The following LAMA1 variants were observed in gnomAD, a reference collection of about 807,000 sequenced individuals.
The protein encoded by LAMA1 is laminin subunit alpha 1.
Under a neutral mutation model 348.7 loss-of-function variants are expected in LAMA1, and 219 were observed. The ratio of observed to expected loss-of-function variants is 0.63; its 90% CI spans 0.56 to 0.70. The LOEUF is 0.70. Among genes scored for constraint, LAMA1 ranks in the 30% least tolerant of loss-of-function variants. LAMA1 has a pLI of 0.00. For missense variants in LAMA1, 3,744 were observed against 3,888.0 expected (o/e 0.96, Z 0.99); for synonymous variants, 1,487 against 1,491.0 (o/e 1.00, Z 0.06).
In LAMA1 at chr18:6,947,226, G is replaced by A. The variant is rs1308653366; in HGVS notation, c.8781C>T (p.Gly2927=). 10 of 1,614,028 alleles carry A rather than the reference G, an allele frequency of 6.2e-6. No homozygotes were observed. Among genetic ancestry groups the A allele is most frequent in the East Asian group, 2.2e-5 (1 of 44,888 alleles). ...TLEFRTSSQN[G]VLLGISTAKV... is the part of the protein sequence containing the mutation. The stretch of plus-strand genomic sequence containing the variant: ...TGGCAGTGCTGATCCCCAGGAGGAC[G>A]CCATTCTGCGAGGAGGTTCGAAACT... The change falls in exon 61 of 63, where the codon GGC becomes GGT. Residue 2927 remains glycine (G), a synonymous_variant. Coordinates refer to ENST00000389658, the MANE Select transcript of LAMA1 (RefSeq NM_005559.4).
intron 46 of LAMA1, among the ~76,000 whole-genome samples, chr18:6,973,462 C>G (rs1458105615): frequency 1.3e-5 from 2 of 152,120 alleles, no homozygotes; most frequent in Non-Finnish European, 2.9e-5. Flanking sequence ...GAAGATATGT[C>G]TACTCCGTAA....
chr18:6,953,195 A>G (rs1251821409), intron 57 of LAMA1, among the ~76,000 whole-genome samples: 1 of 150,694 alleles, frequency 6.6e-6, no homozygotes, highest in South Asian at 2.1e-4. Context: ...CATGGGAGCC[A>G]TGTCTGCCCG....
At chr18:7,044,144 CAG>C (rs1465103471) in intron 7 of LAMA1, among the ~76,000 whole-genome samples, 1 of 113,744 alleles carries the variant, frequency 8.8e-6, no homozygotes, top group African/African-American at 3.6e-5. Context: ...GCGTAGGTGA[CAG>C]AGTGAGACTC....
chr18:6,974,852 T>G (rs762580864), intron 46 of LAMA1, 51 bp downstream of exon 46: 1 of 1,608,818 alleles, frequency 6.2e-7, no homozygotes, highest in African/African-American at 1.3e-5. Context: ...TAATTACTTA[T>G]GAGACACACT....
chr18:7,009,278 AG>A lies in LAMA1; in HGVS notation c.3961del (p.Leu1321SerfsTer39). 1 of 1,614,056 alleles carries A rather than the reference AG, an allele frequency of 6.2e-7. No homozygotes were observed. The highest frequency in any genetic ancestry group is 2.2e-5 in the East Asian group (1 of 44,866). ...MSVLSDIEYI[L>X]IKASYGQGLQ... ...TCCTTGACCATACGATGCCTTGATG[AG>A]GATGTACTCAATATCGCTGAGGACA... On this transcript the variant is annotated frameshift_variant, in exon 27 of 63. Transcript: ENST00000389658. LOFTEE classifies it high-confidence loss of function.
chr18:6,980,041 C>A (rs184876643), intron 42 of LAMA1, among the ~76,000 whole-genome samples: 1 of 152,142 alleles, frequency 6.6e-6, no homozygotes, highest in Non-Finnish European at 1.5e-5. Context: ...TTCATGAATA[C>A]CACATTTCTA....
chr18:7,102,715 T>C (rs1330607743), intron 1 of LAMA1, among the ~76,000 whole-genome samples: 2 of 152,138 alleles, frequency 1.3e-5, no homozygotes, highest in Non-Finnish European at 2.9e-5. Flanking sequence ...CTCCTAGCAC[T>C]GGGGTCTGGA....
chr18:6,975,157 A>G, intron 45 of LAMA1, 121 bp from the exon 46 acceptor site: 1 of 1,171,124 alleles, frequency 8.5e-7, no homozygotes, highest in Non-Finnish European at 1.2e-6. Context: ...AATACATAAA[A>G]AGCAAACCCC....
At chr18:7,093,187 C>A (rs529270351) in intron 1 of LAMA1, among the ~76,000 whole-genome samples, 1 of 152,108 alleles carries the variant, frequency 6.6e-6, no homozygotes. Context: ...GAGGCCGAGG[C>A]GGGCGGATCA....
At chr18:6,976,585 CTTAT>C (rs2057683143) in intron 44 of LAMA1, among the ~76,000 whole-genome samples, 1 of 147,570 alleles carries the variant, frequency 6.8e-6, no homozygotes, top group Non-Finnish European at 1.5e-5. Flanking sequence ...ATTCCTTGGG[CTTAT>C]ATTTATTTAT....
intron 3 of LAMA1, among the ~76,000 whole-genome samples, chr18:7,064,134 A>G (rs2058113119): frequency 6.6e-6 from 1 of 152,062 alleles, no homozygotes; most frequent in Non-Finnish European, 1.5e-5. Context: ...TGACAGCAGG[A>G]TTGGATGTTG....
intron 14 of LAMA1, among the ~76,000 whole-genome samples, chr18:7,034,190 T>G (rs1370510693): frequency 1.3e-5 from 2 of 152,184 alleles, no homozygotes; most frequent in African/African-American, 4.8e-5. Context: ...TGCAACATGG[T>G]CCAGACAATC....
At position 6,958,535 on chromosome 18, in the gene LAMA1, G is replaced by T; in HGVS notation, c.7906C>A (p.Leu2636Met). ...GGIPEGEGTS[L>M]LTMRRSFHGC... The stretch of plus-strand genomic sequence containing the variant: ...TGGAACGATCTTCTCATTGTGAGCA[G>T]TGACGTCCCCTCTCCCTCTGGAATT... Residue 2636 changes from leucine to methionine, a missense_variant, in exon 55 of 63, where the codon CTG becomes ATG. Physicochemically the swap from Leu to Met is conservative, Grantham distance 15 (BLOSUM62 2). Coordinates refer to ENST00000389658, the MANE Select transcript of LAMA1 (RefSeq NM_005559.4). 1 of 1,614,194 alleles carries T rather than the reference G, an allele frequency of 6.2e-7. No individual in the cohort carries two copies. Among genetic ancestry groups the T allele is most frequent in the Non-Finnish European group, 8.5e-7 (1 of 1,180,036 alleles).
At chr18:6,999,856 C>T (rs2057799716) in intron 31 of LAMA1, 55 bp downstream of exon 31, 18 of 1,501,400 alleles carry the variant, frequency 1.2e-5, no homozygotes, top group Non-Finnish European at 1.4e-5. Context: ...TGCCCAATAC[C>T]TTATAAAAGA....
intron 1 of LAMA1, among the ~76,000 whole-genome samples, chr18:7,100,489 G>C (rs1344668225): frequency 6.6e-6 from 1 of 152,162 alleles, no homozygotes; most frequent in Non-Finnish European, 1.5e-5. Context: ...CAAGAGAAAT[G>C]AAACCTATAT....
In LAMA1 at chr18:6,947,176, A is replaced by G. The variant is rs1355079328; in HGVS notation, c.8831T>C (p.Leu2944Pro). The change falls in exon 61 of 63, where the codon CTT becomes CCT. Residue 2944 changes from leucine to proline, a missense_variant. Physicochemically the swap from Leu to Pro is moderately conservative, Grantham distance 98 (BLOSUM62 -3). This residue lies in a region of LAMA1 where 232 missense variants were observed against 264.4 expected (regional missense o/e 0.88). Coordinates refer to ENST00000389658, the MANE Select transcript of LAMA1 (RefSeq NM_005559.4). ...GGAAGCACCCACCTTGCCGTCCACA[A>G]GCTCTAGTCCAATGGCATCCACTTT... is the stretch of plus-strand genomic sequence containing the variant. ...TAKVDAIGLE[L>P]VDGKVLFHVN... 5.0e-6 allele frequency: 8 copies of G among 1,614,086 alleles called. No homozygotes were observed. Among genetic ancestry groups the G allele is most frequent in the Non-Finnish European group, 6.8e-6 (8 of 1,180,054 alleles).
rs146328615 is a variant in LAMA1 at position 7,077,114 on chromosome 18, T to C, written c.345+2861A>G. On this transcript the variant is annotated intron_variant, in intron 3 of 62. Coordinates refer to ENST00000389658, the MANE Select transcript of LAMA1 (RefSeq NM_005559.4). The stretch of plus-strand genomic sequence containing the variant: ...TCTGAATACTAATTATTTTAAGTGA[T>C]CTTATTTTAAAAGCATATCCTAAAA... 1.9e-3 allele frequency among the ~76,000 whole-genome samples: 295 copies of C among 152,164 alleles called. 3 individuals carry two copies. The highest frequency in any genetic ancestry group is 6.4e-3 in the African/African-American group (265 of 41,536).
At chr18:7,051,241 C>T (rs2058061441) in intron 3 of LAMA1, among the ~76,000 whole-genome samples, 1 of 151,598 alleles carries the variant, frequency 6.6e-6, no homozygotes, top group Non-Finnish European at 1.5e-5. Context: ...TCATCATATA[C>T]ACAAAAGGGT....
At position 6,941,821 on chromosome 18, in the gene LAMA1, A is replaced by G; in HGVS notation, c.*258T>C. 2 of 479,546 alleles carry G rather than the reference A, an allele frequency of 4.2e-6. No homozygotes were observed. Among genetic ancestry groups the G allele is most frequent in the Admixed American group, 3.3e-5 (1 of 30,056 alleles). 29.7% of individuals were successfully genotyped at this position (479,546 alleles called of 1,614,324 possible). A position where few individuals can be genotyped will look rare whatever the true frequency, so the allele number is the denominator to read the frequency against. On this transcript the variant is annotated 3_prime_UTR_variant, in exon 63 of 63. Transcript: ENST00000389658. ...CATAAAATACTATCAAGTAATCAACAGAACATTCAATGTGTATAAAGATTT... is the reference window on the plus strand; with the variant it reads ...CATAAAATACTATCAAGTAATCAACGGAACATTCAATGTGTATAAAGATTT...
Sources: gnomAD v4.1 joint callset for allele counts (sites outside exome capture counted in the v4.1 genomes callset) on GRCh38, gnomAD v4.1.1 for gene constraint, gnomAD v4.1.1 regional missense constraint, MANE v1.5 for transcripts, NCBI Gene and HGNC (gene_info 2026-07-23, HGNC 2026-07-21) for gene names.